ERBB4: variants seen among roughly 807,000 people sequenced by gnomAD.
The protein encoded by ERBB4 is receptor tyrosine-protein kinase erbB-4.
ERBB4 carries 42 observed loss-of-function variants against 158.0 expected under a neutral mutation model. The ratio of observed to expected loss-of-function variants is 0.27; its 90% CI spans 0.21 to 0.34. The LOEUF (loss-of-function observed/expected upper bound fraction) is 0.34, where lower values mean the gene tolerates loss of function less well. Among genes scored for constraint, ERBB4 ranks in the 10% least tolerant of loss-of-function variants. The pLI is 1.00. For synonymous variants in ERBB4, 583 were observed against 558.7 expected (o/e 1.04, Z -0.61); for missense variants, 1,333 against 1,624.1 (o/e 0.82, Z 3.08).
intron 2 of ERBB4, among the ~76,000 whole-genome samples, chr2:211,982,037 A>T (rs1423081888): frequency 1.3e-5 from 2 of 152,036 alleles, no homozygotes; most frequent in Non-Finnish European, 2.9e-5. Flanking sequence ...TATAATTTTT[A>T]AAATACTATT....
intron 2 of ERBB4, among the ~76,000 whole-genome samples, chr2:212,098,842 A>C (rs2079002317): frequency 6.6e-6 from 1 of 152,176 alleles, no homozygotes; most frequent in Admixed American, 6.6e-5. Flanking sequence ...TCAAATGTAC[A>C]ATTAATGACT....
chr2:211,412,480 C>T (rs998414596), intron 25 of ERBB4, among the ~76,000 whole-genome samples: 5 of 152,026 alleles, frequency 3.3e-5, no homozygotes, highest in Non-Finnish European at 7.4e-5. Flanking sequence ...ATTTAGCTTC[C>T]TTTGTCTTTT....
At chr2:212,325,427 A>G (rs1318339215) in intron 1 of ERBB4, among the ~76,000 whole-genome samples, 2 of 150,766 alleles carry the variant, frequency 1.3e-5, no homozygotes, top group Non-Finnish European at 3.0e-5. Context: ...GGAAATGAGA[A>G]ATATAATAAG....
intron 1 of ERBB4, among the ~76,000 whole-genome samples, chr2:212,337,379 C>G (rs1383207555): frequency 1.3e-5 from 2 of 152,158 alleles, no homozygotes; most frequent in South Asian, 2.1e-4. Flanking sequence ...TAAAATCACT[C>G]GGGACTAATG....
At chr2:211,747,473 T>C (rs2075009474) in intron 5 of ERBB4, among the ~76,000 whole-genome samples, 1 of 152,280 alleles carries the variant, frequency 6.6e-6, no homozygotes, top group Non-Finnish European at 1.5e-5. Context: ...CAAACATGGC[T>C]ACTGGGGCTG....
intron 1 of ERBB4, among the ~76,000 whole-genome samples, chr2:212,318,834 T>G (rs565161654): frequency 1.8e-4 from 28 of 151,750 alleles, no homozygotes; most frequent in African/African-American, 6.7e-4. Context: ...TCTTCTTACC[T>G]ACAACAGCAC....
At chr2:211,832,552 TTAAA>T (rs1312759145) in intron 3 of ERBB4, among the ~76,000 whole-genome samples, 1 of 150,290 alleles carries the variant, frequency 6.7e-6, no homozygotes, top group Non-Finnish European at 1.5e-5. Context: ...GAAATAACAA[TTAAA>T]TAAATATATG....
At chr2:211,599,513 C>CTGTGTGTGTGTGTGTGTGTG (rs6147153) in intron 19 of ERBB4, among the ~76,000 whole-genome samples, 7,179 of 140,800 alleles carry the variant, frequency 0.051, 254 homozygotes, top group African/African-American at 0.069. Flanking sequence ...ATAATTTCTT[C>CTGTGTGTGTGTGTGTGTGTG]TGTGTGTGTG....
At chr2:211,850,292 G>A (rs1164259661) in intron 3 of ERBB4, among the ~76,000 whole-genome samples, 16 of 151,706 alleles carry the variant, frequency 1.1e-4, no homozygotes, top group African/African-American at 3.9e-4. Flanking sequence ...TTAAGTTACT[G>A]TTCTCTTATT....
At chr2:211,759,768 A>T (rs2106236296) in intron 4 of ERBB4, among the ~76,000 whole-genome samples, 1 of 152,108 alleles carries the variant, frequency 6.6e-6, no homozygotes, top group South Asian at 2.1e-4. Context: ...GAAGAAAAAA[A>T]TTCATAACCT....
intron 1 of ERBB4, among the ~76,000 whole-genome samples, chr2:212,394,049 T>C (rs1322082789): frequency 6.6e-6 from 1 of 152,140 alleles, no homozygotes; most frequent in African/African-American, 2.4e-5. Flanking sequence ...CCTTTACCTC[T>C]AATGCCACTG....
chr2:212,378,481 C>A lies in ERBB4; in HGVS notation c.82+159968G>T, dbSNP rs570503489. Among the ~76,000 whole-genome samples, 215 of 151,942 alleles carry A rather than the reference C, an allele frequency of 1.4e-3. 1 individual carries two copies. The highest frequency in any genetic ancestry group is 1.6e-3 in the Non-Finnish European group (107 of 67,896). ...AATACTTTCTTATGTATGATATAGT[C>A]TTCCATTGGCCTTTTGTCTCCAGCA... On this transcript the variant is annotated intron_variant, in intron 1 of 27. Coordinates refer to ENST00000342788, the MANE Select transcript of ERBB4 (RefSeq NM_005235.3).
chr2:211,484,510 G>A (rs1398195826), intron 20 of ERBB4, among the ~76,000 whole-genome samples: 1 of 152,042 alleles, frequency 6.6e-6, no homozygotes, highest in Admixed American at 6.6e-5. Flanking sequence ...TAAAGGGATG[G>A]AAAAAATTAT....
At chr2:212,419,933 T>G (rs558081817) in intron 1 of ERBB4, among the ~76,000 whole-genome samples, 1 of 151,996 alleles carries the variant, frequency 6.6e-6, no homozygotes, top group African/African-American at 2.4e-5. Flanking sequence ...TTACACTATT[T>G]TCCTCAATGT....
intron 2 of ERBB4, among the ~76,000 whole-genome samples, chr2:211,961,457 G>A (rs955731466): frequency 2.0e-5 from 3 of 152,150 alleles, no homozygotes; most frequent in Non-Finnish European, 4.4e-5. Context: ...TGCCTCAGGG[G>A]CAATGGGAAC....
chr2:211,469,534 C>T (rs1045139213), intron 20 of ERBB4, among the ~76,000 whole-genome samples: 2 of 152,100 alleles, frequency 1.3e-5, no homozygotes, highest in African/African-American at 4.8e-5. Context: ...TATGTATCCT[C>T]CTAGGTTTGT....
At chr2:212,165,528 AAG>A (rs2081321938) in intron 1 of ERBB4, among the ~76,000 whole-genome samples, 3 of 151,978 alleles carry the variant, frequency 2.0e-5, no homozygotes, top group Admixed American at 2.0e-4. Flanking sequence ...GAGATAGAAG[AAG>A]TGGGCTGTTC....
In ERBB4 at chr2:212,287,809, T is replaced by A. The variant is rs115209384; in HGVS notation, c.83-162906A>T. ...AGCCATTATCCTGAGCAAACTAACA[T>A]GAAATACTTAACATGTTTTCACTTA... On this transcript the variant is annotated intron_variant, in intron 1 of 27. Transcript: ENST00000342788. Among the ~76,000 whole-genome samples, 278 of 152,232 alleles carry A rather than the reference T, an allele frequency of 1.8e-3. 3 individuals carry two copies. Among genetic ancestry groups the A allele is most frequent in the African/African-American group, 6.4e-3 (265 of 41,530 alleles).
At chr2:211,980,992 A>AG (rs2081777625) in intron 2 of ERBB4, among the ~76,000 whole-genome samples, 1 of 150,914 alleles carries the variant, frequency 6.6e-6, no homozygotes, top group Admixed American at 6.7e-5. Context: ...GCTCCCCACC[A>AG]TCTGTATTAT....
Sources: gnomAD v4.1 joint callset for allele counts (sites outside exome capture counted in the v4.1 genomes callset) on GRCh38, gnomAD v4.1.1 for gene constraint, MANE v1.5 for transcripts, NCBI Gene and HGNC (gene_info 2026-07-23, HGNC 2026-07-21) for gene names.